TRIQK: variants seen among roughly 807,000 people sequenced by gnomAD.
The protein encoded by TRIQK is triple QxxK/R motif-containing protein.
Under a neutral mutation model 10.8 loss-of-function variants are expected in TRIQK, and 10 were observed. The ratio of observed to expected loss-of-function variants is 0.92; its 90% confidence interval spans 0.57 to 1.57. The LOEUF is 1.57. TRIQK is among the 40% of genes most tolerant of loss of function. TRIQK has a pLI of 0.00. For synonymous variants in TRIQK, 33 were observed against 33.7 expected, an observed-to-expected ratio of 0.98 and a Z score of 0.07; for missense variants, 107 against 97.7, an observed-to-expected ratio of 1.09 and a Z score of -0.40.
chr8:92,962,808 T>C (rs1812526452), intron 1 of TRIQK, among the ~76,000 whole-genome samples: 1 of 152,210 alleles, frequency 6.6e-6, no homozygotes, highest in Non-Finnish European at 1.5e-5. Context: ...TGAAAAGCAG[T>C]AATTGTAAGT....
intron 1 of TRIQK, chr8:92,965,567 GA>G (rs1248439770): frequency 6.6e-6 from 1 of 152,388 alleles, no homozygotes; most frequent in Non-Finnish European, 1.5e-5. Flanking sequence ...ACAAGTAAGC[GA>G]CCGCGAGTAA....
chr8:92,963,421 T>C (rs1014704738), intron 1 of TRIQK: 2 of 151,984 alleles, frequency 1.3e-5, no homozygotes, highest in African/African-American at 4.8e-5. Context: ...ACCACAATTC[T>C]TTTTAGCCAC....
intron 3 of TRIQK, among the ~76,000 whole-genome samples, chr8:92,915,427 T>C (rs990015925): frequency 5.9e-5 from 9 of 152,156 alleles, no homozygotes; most frequent in African/African-American, 2.2e-4. Flanking sequence ...AGTAATCATT[T>C]ACTCTGTGTG....
intron 2 of TRIQK, among the ~76,000 whole-genome samples, chr8:92,947,188 C>T (rs1811582288): frequency 1.3e-5 from 2 of 152,064 alleles, no homozygotes; most frequent in Non-Finnish European, 2.9e-5. Flanking sequence ...CTGGACTTTT[C>T]TTTTAATACA....
rs139742457 is a variant in TRIQK at position 92,911,831 on chromosome 8, A to G, written c.61+5098T>C. 3.5e-3 allele frequency among the ~76,000 whole-genome samples: 520 copies of G among 149,942 alleles called. 4 individuals carry two copies. Among genetic ancestry groups the G allele is most frequent in the African/African-American group, 0.012 (496 of 41,122 alleles). On this transcript the variant is annotated intron_variant, in intron 3 of 4. Coordinates refer to ENST00000521988, the MANE Select transcript of TRIQK (RefSeq NM_001171797.2). ...TATATGTACATACATGTATATGTAT[A>G]TATACATATCTACATACACAAGTAT...
chr8:92,890,043 T>C (rs979758181), intron 4 of TRIQK, among the ~76,000 whole-genome samples: 3 of 151,828 alleles, frequency 2.0e-5, no homozygotes, highest in African/African-American at 7.2e-5. Context: ...TGTTGTTCAT[T>C]AGTCCTTAGT....
intron 2 of TRIQK, among the ~76,000 whole-genome samples, chr8:92,946,581 T>G (rs1344805564): frequency 1.3e-5 from 2 of 152,086 alleles, no homozygotes; most frequent in African/African-American, 4.8e-5. Flanking sequence ...AAAATGAGAT[T>G]TTTTTGAAAG....
intron 3 of TRIQK, among the ~76,000 whole-genome samples, chr8:92,900,414 G>A (rs944129383): frequency 3.9e-5 from 6 of 152,152 alleles, no homozygotes; most frequent in Middle Eastern, 3.4e-3. Context: ...TTTGATTTTT[G>A]TATATGGTAA....
chr8:92,968,289 T>C (rs555368106), upstream of TRIQK, among the ~76,000 whole-genome samples: 1 of 152,324 alleles, frequency 6.6e-6, no homozygotes, highest in South Asian at 2.1e-4. Context: ...TATAGTAGCA[T>C]GATTTATAAT....
At chr8:93,008,287 TTAAAA>T (rs1813294348) in intron 1 of TRIQK, among the ~76,000 whole-genome samples, 1 of 152,178 alleles carries the variant, frequency 6.6e-6, no homozygotes, top group Admixed American at 6.5e-5. Flanking sequence ...ATCCTGGAAC[TTAAAA>T]TTAAATCAAA....
At chr8:93,007,574 A>T (rs1159173159) in intron 1 of TRIQK, among the ~76,000 whole-genome samples, 1 of 152,204 alleles carries the variant, frequency 6.6e-6, no homozygotes, top group Non-Finnish European at 1.5e-5. Context: ...ATAATAAAAA[A>T]CTTTGCTGAG....
At chr8:92,977,804 G>A (rs142481219) in intron 1 of TRIQK, among the ~76,000 whole-genome samples, 1 of 152,170 alleles carries the variant, frequency 6.6e-6, no homozygotes, top group East Asian at 1.9e-4. Context: ...TTCTTTTGAA[G>A]TACAATTGTC....
At chr8:92,930,685 G>T (rs4735193) in intron 2 of TRIQK, among the ~76,000 whole-genome samples, 1 of 151,782 alleles carries the variant, frequency 6.6e-6, no homozygotes, top group African/African-American at 2.4e-5. Flanking sequence ...ACTATTACCC[G>T]ACAAACCTTC....
chr8:92,966,528 A>G (rs866877750), upstream of TRIQK, among the ~76,000 whole-genome samples: 5 of 152,206 alleles, frequency 3.3e-5, no homozygotes, highest in Non-Finnish European at 5.9e-5. Flanking sequence ...ATCGTTTTAT[A>G]TTAACATTAA....
intron 1 of TRIQK, among the ~76,000 whole-genome samples, chr8:92,959,012 AATTTGAATTTT>A (rs1812312357): frequency 6.6e-6 from 1 of 152,096 alleles, no homozygotes; most frequent in Non-Finnish European, 1.5e-5. Context: ...TAAACAATTA[AATTTGAATTTT>A]ACATAATTTC....
intron 4 of TRIQK, among the ~76,000 whole-genome samples, chr8:92,888,634 G>C (rs534396621): frequency 1.3e-5 from 2 of 151,578 alleles, no homozygotes; most frequent in East Asian, 3.9e-4. Flanking sequence ...ATAACTTAGA[G>C]ACCTATAGGC....
At chr8:92,978,466 G>A (rs571381777) in intron 1 of TRIQK, among the ~76,000 whole-genome samples, 4 of 152,152 alleles carry the variant, frequency 2.6e-5, no homozygotes, top group African/African-American at 7.2e-5. Flanking sequence ...GTTTTGAGCC[G>A]CTCAATTTGT....
chr8:93,015,916 G>A (rs1166683124), intron 1 of TRIQK, among the ~76,000 whole-genome samples: 4 of 150,262 alleles, frequency 2.7e-5, no homozygotes, highest in Non-Finnish European at 5.9e-5. Flanking sequence ...AACACCTTGT[G>A]CATCAGAAAA....
chr8:92,958,029 T>C (rs114055440), intron 1 of TRIQK, among the ~76,000 whole-genome samples: 1 of 151,938 alleles, frequency 6.6e-6, no homozygotes, highest in Non-Finnish European at 1.5e-5. Context: ...AATTTGATCA[T>C]GTTGCTCTCC....
Sources: allele counts gnomAD v4.1 joint callset (sites outside exome capture counted in the v4.1 genomes callset), GRCh38; gene constraint gnomAD v4.1.1; transcripts MANE v1.5; gene names NCBI Gene and HGNC (gene_info 2026-07-23, HGNC 2026-07-21).